SRPK2: variants seen among roughly 807,000 people sequenced by gnomAD.
The protein encoded by SRPK2 is SRSF protein kinase 2.
In SRPK2, 21 loss-of-function variants were observed where a neutral mutation model predicts 90.8. That is an observed-to-expected ratio of 0.23 (90% CI 0.16 to 0.33). SRPK2 has a LOEUF of 0.33. Ranked by LOEUF, SRPK2 falls within the 10% of genes least tolerant of loss-of-function variation. The pLI, the probability that SRPK2 is intolerant of heterozygous loss-of-function variation, is 1.00. For synonymous variants in SRPK2, 288 were observed against 311.1 expected, an observed-to-expected ratio of 0.93 and a Z score of 0.78; for missense variants, 620 against 869.0, an observed-to-expected ratio of 0.71 and a Z score of 3.60.
chr7:105,179,824 C>CAAAA (rs1185836588), intron 3 of SRPK2, among the ~76,000 whole-genome samples: 31 of 60,222 alleles, frequency 5.1e-4, no homozygotes, highest in South Asian at 2.7e-3. Flanking sequence ...GAGTCCATCT[C>CAAAA]AAAAAAAAAA....
At chr7:105,141,860 T>C (rs949512368) in intron 11 of SRPK2, 148 bp downstream of exon 11, 2 of 815,572 alleles carry the variant, frequency 2.5e-6, no homozygotes, top group East Asian at 2.6e-5. Context: ...TTAAATCACA[T>C]TACTTCTTCA....
rs141916079 is a variant in SRPK2, at chr7:105,335,676, G to C, written c.71+52972C>G. Among the ~76,000 whole-genome samples, 421 of 150,618 alleles carry C rather than the reference G, an allele frequency of 2.8e-3. 10 individuals are homozygous for C. In the East Asian group the frequency reaches 0.054, roughly 19 times the overall value. ...TAAAAAAAAAAAAAAAAAAGCAGCC[G>C]GGCGCAGTGGCTCACATCTGTAATC... On this transcript the variant is annotated intron_variant, in intron 2 of 15. Coordinates refer to ENST00000393651, the MANE Select transcript of SRPK2 (RefSeq NM_182692.3).
At chr7:105,137,022 CAGAGAAAGG>C (rs1802932546) in intron 11 of SRPK2, among the ~76,000 whole-genome samples, 1 of 152,102 alleles carries the variant, frequency 6.6e-6, no homozygotes. Flanking sequence ...AAAAACAAAG[CAGAGAAAGG>C]AGATGGATAA....
intron 2 of SRPK2, among the ~76,000 whole-genome samples, chr7:105,332,407 T>G (rs1814531286): frequency 6.6e-6 from 1 of 152,134 alleles, no homozygotes; most frequent in Admixed American, 6.6e-5. Context: ...CTTCCTAACC[T>G]TAAAACTAAC....
Position 105,116,962 on chromosome 7 carries a change from T to C in SRPK2, c.*876A>G, listed in dbSNP as rs1451661333. 6.6e-6 allele frequency: 1 copy of C among 152,210 alleles called. No homozygotes were observed. Among genetic ancestry groups the C allele is most frequent in the Non-Finnish European group, 1.5e-5 (1 of 68,030 alleles). 9.4% of individuals were successfully genotyped at this position (152,210 alleles called of 1,614,324 possible). ...TAACACGTTTCTCCAATTTAATCTATGTAGAGCTTAACTTACAGCGCCCAG... is the reference window on the plus strand; with the variant it reads ...TAACACGTTTCTCCAATTTAATCTACGTAGAGCTTAACTTACAGCGCCCAG... On this transcript the variant is annotated 3_prime_UTR_variant, in exon 16 of 16. Transcript: ENST00000393651.
intron 1 of SRPK2, 38 bp from the exon 2 acceptor site, chr7:105,388,740 C>T (rs1821957759): frequency 1.3e-6 from 2 of 1,557,946 alleles, no homozygotes; most frequent in Non-Finnish European, 8.7e-7. Flanking sequence ...GTCGGGCCGC[C>T]CGCCCGGGCT....
chr7:105,170,825 GAGAAAGAAAGGAAGAAAGAAAGAAAGAA>G (rs1341300110), intron 3 of SRPK2, among the ~76,000 whole-genome samples: 2 of 104,286 alleles, frequency 1.9e-5, no homozygotes, highest in Non-Finnish European at 3.8e-5. Flanking sequence ...GGGAGAGAAA[GAGAAAGAAAGGAAGAAAGAAAGAAAGAA>G]AGAAAGAAAG....
intron 3 of SRPK2, among the ~76,000 whole-genome samples, chr7:105,187,323 T>C (rs1190226025): frequency 6.6e-6 from 1 of 152,210 alleles, no homozygotes; most frequent in African/African-American, 2.4e-5. Flanking sequence ...CTCTTCTGCC[T>C]AGAAATATGC....
intron 3 of SRPK2, among the ~76,000 whole-genome samples, chr7:105,185,762 T>C (rs1023501364): frequency 2.0e-5 from 3 of 152,224 alleles, no homozygotes; most frequent in Non-Finnish European, 2.9e-5. Context: ...GAATAATTCA[T>C]GCTTTCCAGT....
intron 2 of SRPK2, among the ~76,000 whole-genome samples, chr7:105,226,723 T>C (rs1001166391): frequency 2.2e-4 from 10 of 45,156 alleles, no homozygotes; most frequent in African/African-American, 1.0e-3. Flanking sequence ...TGTAGATCTC[T>C]GGCCAGGCAC....
intron 2 of SRPK2, among the ~76,000 whole-genome samples, chr7:105,334,834 CA>C (rs1326446354): frequency 1.3e-3 from 94 of 73,054 alleles, no homozygotes; most frequent in Admixed American, 1.7e-3. Flanking sequence ...GGATACAGAC[CA>C]AAAAAAAAAA....
rs184105311 is a variant in SRPK2 at position 105,135,638 on chromosome 7, A to T, written c.1544-2534T>A. Among the ~76,000 whole-genome samples the T allele has an allele frequency of 7.7e-4, 118 of 152,354 alleles. No homozygotes were observed. In the East Asian group the frequency reaches 0.022, roughly 29 times the overall value. On this transcript the variant is annotated intron_variant, in intron 11 of 15. Transcript: ENST00000393651. ...TCTGAGGGCACTCAAGTGGAAGGAG[A>T]TGATCTGTAATCTGCCACCACTCTG...
chr7:105,338,253 GTTTTGTT>G (rs1815341861), intron 2 of SRPK2, among the ~76,000 whole-genome samples: 1 of 151,816 alleles, frequency 6.6e-6, no homozygotes. Flanking sequence ...TTTTTGTTTT[GTTTTGTT>G]TTTTGTTTTT....
intron 15 of SRPK2, chr7:105,125,848 G>A (rs1474445028): frequency 7.7e-7 from 1 of 1,299,754 alleles, no homozygotes; most frequent in East Asian, 5.3e-5. Flanking sequence ...ACTTTCCCCA[G>A]CAGTTCAATG....
chr7:105,134,953 C>A (rs1802575906), intron 11 of SRPK2, among the ~76,000 whole-genome samples: 1 of 152,076 alleles, frequency 6.6e-6, no homozygotes, highest in Non-Finnish European at 1.5e-5. Context: ...AAAAGAAACA[C>A]CAGAACTCAG....
At chr7:105,325,713 T>G (rs1813500919) in intron 2 of SRPK2, among the ~76,000 whole-genome samples, 1 of 152,104 alleles carries the variant, frequency 6.6e-6, no homozygotes. Context: ...TCAGGCACAG[T>G]AGCAGTAGTG....
intron 2 of SRPK2, among the ~76,000 whole-genome samples, chr7:105,382,397 A>G (rs1246455899): frequency 6.6e-6 from 1 of 150,628 alleles, no homozygotes. Flanking sequence ...TACTTAAAAT[A>G]CAAAATTAGC....
At chr7:105,359,813 T>G (rs945242737) in intron 2 of SRPK2, among the ~76,000 whole-genome samples, 1 of 152,194 alleles carries the variant, frequency 6.6e-6, no homozygotes, top group Non-Finnish European at 1.5e-5. Flanking sequence ...TGATCAATTT[T>G]AGAATAAGTG....
chr7:105,245,115 A>G (rs1434804346), intron 2 of SRPK2: 2 of 611,104 alleles, frequency 3.3e-6, no homozygotes, highest in Non-Finnish European at 5.8e-6. Context: ...GGAAAGAAAT[A>G]AAAATCTTTA....
Sources: allele counts gnomAD v4.1 joint callset (sites outside exome capture counted in the v4.1 genomes callset), GRCh38; gene constraint gnomAD v4.1.1; transcripts MANE v1.5; gene names NCBI Gene and HGNC (gene_info 2026-07-23, HGNC 2026-07-21).